Variants in FIRRM observed in about 807,000 individuals in gnomAD.
FIRRM encodes the protein FIGNL1-interacting regulator of recombination and mitosis.
At chr1:169,835,271 G>T in the FIRRM span, among the ~76,000 whole-genome samples, 5 of 152,034 alleles carry the variant, frequency 3.3e-5, no homozygotes, top group African/African-American at 9.7e-5. Flanking sequence ...ATGCTAATTT[G>T]GAAGAAAATG....
At chr1:169,848,831 C>G in the FIRRM span, among the ~76,000 whole-genome samples, 1 of 152,154 alleles carries the variant, frequency 6.6e-6, no homozygotes, top group Non-Finnish European at 1.5e-5. Context: ...CTTCTGTATT[C>G]CCAGGAGTGA....
chr1:169,827,936 T>A, the FIRRM span: 35 of 1,302,884 alleles, frequency 2.7e-5, no homozygotes, highest in Middle Eastern at 1.9e-4. Context: ...GTTTTTTTTT[T>A]AAATCAGATA....
chr1:169,849,924 A>G, the FIRRM span: 56,889 of 459,014 alleles, frequency 0.12, 4,145 homozygotes, highest in Admixed American at 0.22. Flanking sequence ...ATTTTGTGCT[A>G]TCAGTCATAA....
At chr1:169,788,443 T>C in the FIRRM span, among the ~76,000 whole-genome samples, 5 of 152,258 alleles carry the variant, frequency 3.3e-5, no homozygotes, top group South Asian at 4.1e-4. Flanking sequence ...TAATTTATTG[T>C]TAAGAATACA....
At chr1:169,811,652 C>CTAGA in the FIRRM span, among the ~76,000 whole-genome samples, 187 of 150,634 alleles carry the variant, frequency 1.2e-3, no homozygotes, top group African/African-American at 2.7e-3. Flanking sequence ...GAGAGCTTGT[C>CTAGA]TAGATAGATA....
the FIRRM span, among the ~76,000 whole-genome samples, chr1:169,791,240 G>C: frequency 2.6e-5 from 4 of 152,166 alleles, no homozygotes; most frequent in Non-Finnish European, 5.9e-5. Context: ...CTTCTGTGTA[G>C]CTACATCTGT....
At chr1:169,836,598 G>A in the FIRRM span, among the ~76,000 whole-genome samples, 2 of 152,136 alleles carry the variant, frequency 1.3e-5, no homozygotes, top group East Asian at 3.8e-4. Flanking sequence ...ACAAGGTGAC[G>A]AGTATATAGG....
At chr1:169,801,164 T>A in the FIRRM span, among the ~76,000 whole-genome samples, 201 of 152,134 alleles carry the variant, frequency 1.3e-3, no homozygotes, top group African/African-American at 4.6e-3. Context: ...TGTTACAGGC[T>A]GGGCACGGTG....
chr1:169,795,703 A>G, the FIRRM span: 1 of 985,640 alleles, frequency 1.0e-6, no homozygotes, highest in Admixed American at 6.1e-5. Context: ...TAAAGGGCAT[A>G]GTTCTGTGGT....
At chr1:169,826,343 G>A in the FIRRM span, among the ~76,000 whole-genome samples, 1,512 of 138,644 alleles carry the variant, frequency 0.011, 25 homozygotes, top group African/African-American at 0.038. Flanking sequence ...GATTACAGGC[G>A]TGAGCCACCA....
At chr1:169,791,048 A>G in the FIRRM span, among the ~76,000 whole-genome samples, 1 of 152,226 alleles carries the variant, frequency 6.6e-6, no homozygotes, top group South Asian at 2.1e-4. Flanking sequence ...GTGCACTCCC[A>G]TGAGAATCTA....
chr1:169,816,141 C>G, the FIRRM span, among the ~76,000 whole-genome samples: 1 of 152,174 alleles, frequency 6.6e-6, no homozygotes, highest in Non-Finnish European at 1.5e-5. Flanking sequence ...GTATATTCTA[C>G]AACAGTAAAG....
chr1:169,822,038 CT>C, the FIRRM span, among the ~76,000 whole-genome samples: 1 of 152,094 alleles, frequency 6.6e-6, no homozygotes, highest in African/African-American at 2.4e-5. Context: ...AAAGATTCCC[CT>C]GATAGAATTG....
At chr1:169,817,918 G>GC in the FIRRM span, among the ~76,000 whole-genome samples, 1 of 151,334 alleles carries the variant, frequency 6.6e-6, no homozygotes, top group Admixed American at 6.6e-5. Context: ...ACTGAATAAT[G>GC]CCCCTTTAAC....
the FIRRM span, among the ~76,000 whole-genome samples, chr1:169,841,193 A>G: frequency 6.6e-6 from 1 of 152,168 alleles, no homozygotes; most frequent in Non-Finnish European, 1.5e-5. Flanking sequence ...CTTTTTCCAT[A>G]TCTATTGAGA....
the FIRRM span, chr1:169,827,170 T>C: frequency 6.2e-7 from 1 of 1,613,486 alleles, no homozygotes; most frequent in Non-Finnish European, 8.5e-7. Context: ...TTTCAGCCTT[T>C]CATGCAGGTG....
chr1:169,852,287 G>A, the FIRRM span: 49 of 314,180 alleles, frequency 1.6e-4, no homozygotes, highest in Admixed American at 7.2e-4. Context: ...TTAATCAAAT[G>A]AGTCTCCTAA....
chr1:169,832,648 G>A, the FIRRM span: 3 of 613,464 alleles, frequency 4.9e-6, no homozygotes, highest in African/African-American at 5.6e-5. Flanking sequence ...TGTCACCCAG[G>A]CTGGTTTTAC....
At chr1:169,849,739 G>A in the FIRRM span, 185,311 of 652,058 alleles carry the variant, frequency 0.28, 28,332 homozygotes, top group Middle Eastern at 0.36. Context: ...TACATTACTC[G>A]TTATCTCTTT....
Sources: allele counts gnomAD v4.1 joint callset (sites outside exome capture counted in the v4.1 genomes callset), GRCh38; gene constraint gnomAD v4.1.1; transcripts MANE v1.5; gene names NCBI Gene and HGNC (gene_info 2026-07-23, HGNC 2026-07-21).